The following KYAT3 variants were observed in gnomAD, a reference collection of about 807,000 sequenced individuals.
KYAT3 encodes the protein kynurenine aminotransferase 3.
KYAT3 carries 50 observed loss-of-function variants against 59.0 expected under a neutral mutation model. The ratio of observed to expected loss-of-function variants is 0.85; its 90% confidence interval spans 0.68 to 1.07. KYAT3 has a LOEUF of 1.07. KYAT3 is among the 50% of genes least tolerant of loss of function. The pLI is 0.00. For missense variants in KYAT3, 497 were observed against 533.3 expected (o/e 0.93, Z 0.67); for synonymous variants, 148 against 177.0 (o/e 0.84, Z 1.30).
chr1:88,970,350 A>T (rs1676507775), intron 2 of KYAT3, among the ~76,000 whole-genome samples: 1 of 152,214 alleles, frequency 6.6e-6, no homozygotes, highest in African/African-American at 2.4e-5. Context: ...GTTCTATTAC[A>T]TAGTTAGAAC....
chr1:88,930,459 G>A, the KYAT3 span, among the ~76,000 whole-genome samples: 1 of 152,118 alleles, frequency 6.6e-6, no homozygotes, highest in African/African-American at 2.4e-5. Flanking sequence ...GCCGCTCGAG[G>A]GGACCTTCTA....
At chr1:88,942,465 T>C (rs534254409) in intron 13 of KYAT3, among the ~76,000 whole-genome samples, 2 of 152,350 alleles carry the variant, frequency 1.3e-5, no homozygotes, top group Admixed American at 1.3e-4. Context: ...TTATGTCTAG[T>C]AATTTTTCAT....
chr1:88,983,793 T>G (rs745621525), intron 2 of KYAT3: 1 of 1,614,016 alleles, frequency 6.2e-7, no homozygotes, highest in Non-Finnish European at 8.5e-7. Flanking sequence ...AGCCCACCAA[T>G]GAAGAGCTTT....
the KYAT3 span, among the ~76,000 whole-genome samples, chr1:88,922,313 T>G: frequency 6.6e-6 from 1 of 152,152 alleles, no homozygotes; most frequent in African/African-American, 2.4e-5. Context: ...CAGGGTAGTA[T>G]AGGCCCTGAT....
chr1:88,990,075 G>C (rs956436618), intron 1 of KYAT3, among the ~76,000 whole-genome samples: 1 of 152,100 alleles, frequency 6.6e-6, no homozygotes, highest in East Asian at 1.9e-4. Flanking sequence ...AGTCCAAGCA[G>C]ATTGCGCTCT....
intron 2 of KYAT3, among the ~76,000 whole-genome samples, chr1:88,985,438 T>C (rs1439026588): frequency 6.6e-6 from 1 of 152,254 alleles, no homozygotes; most frequent in Admixed American, 6.5e-5. Context: ...ATTGGTAAGT[T>C]TGAATCTGGG....
At chr1:88,950,735 A>T (rs1366931605) in intron 10 of KYAT3, among the ~76,000 whole-genome samples, 2 of 152,162 alleles carry the variant, frequency 1.3e-5, no homozygotes, top group African/African-American at 4.8e-5. Context: ...TGTTCAATGC[A>T]CTGGCATTTC....
downstream of KYAT3, among the ~76,000 whole-genome samples, chr1:88,934,245 A>G (rs186592887): frequency 3.2e-4 from 49 of 152,284 alleles, 1 homozygote; most frequent in Admixed American, 2.9e-3. Context: ...ACTTGAGGCC[A>G]GGAGTTTGAG....
intron 4 of KYAT3, among the ~76,000 whole-genome samples, chr1:88,968,277 G>A (rs1011428940): frequency 2.4e-4 from 37 of 152,158 alleles, no homozygotes; most frequent in African/African-American, 8.9e-4. Context: ...TTTCATTACA[G>A]AAGGATGGGA....
At chr1:88,940,030 A>G (rs1675178231) in intron 13 of KYAT3, among the ~76,000 whole-genome samples, 1 of 151,926 alleles carries the variant, frequency 6.6e-6, no homozygotes, top group African/African-American at 2.4e-5. Context: ...ATACTGTCCT[A>G]TATAGATTCA....
intron 8 of KYAT3, among the ~76,000 whole-genome samples, chr1:88,960,810 G>T (rs1676109311): frequency 6.6e-6 from 1 of 152,150 alleles, no homozygotes; most frequent in Non-Finnish European, 1.5e-5. Flanking sequence ...TTGGCATTTT[G>T]GTAAGTTGTT....
chr1:88,969,792 C>T (rs1206642507), intron 2 of KYAT3, among the ~76,000 whole-genome samples: 1 of 152,070 alleles, frequency 6.6e-6, no homozygotes, highest in Admixed American at 6.6e-5. Context: ...TAGGCATATC[C>T]TACTGTGCCA....
rs189451821 is a variant in KYAT3, at chr1:88,957,949, T to G, written c.788-2724A>C. 1.5e-3 allele frequency among the ~76,000 whole-genome samples: 226 copies of G among 152,340 alleles called. 6 individuals are homozygous for G. The highest frequency in any genetic ancestry group is 8.8e-5 in the Non-Finnish European group (6 of 68,026). ...AAAACATGATAACATTTTGGTGTAT[T>G]AAGGTGTCACACCCTGCAAATCTCT... is the stretch of plus-strand genomic sequence containing the variant. On this transcript the variant is annotated intron_variant, in intron 8 of 13. Coordinates refer to ENST00000260508, the MANE Select transcript of KYAT3 (RefSeq NM_001008661.3).
At chr1:88,932,414 A>G (rs1283411223), downstream of KYAT3, among the ~76,000 whole-genome samples, 1 of 152,174 alleles carries the variant, frequency 6.6e-6, no homozygotes, top group Non-Finnish European at 1.5e-5. Flanking sequence ...CTATTGATAG[A>G]TTAGACTATT....
intron 5 of KYAT3, among the ~76,000 whole-genome samples, chr1:88,962,906 A>T (rs1676200113): frequency 1.3e-5 from 2 of 152,174 alleles, no homozygotes; most frequent in African/African-American, 4.8e-5. Flanking sequence ...TTGGAGAGGC[A>T]GGGCAGTAGA....
chr1:88,945,625 C>T (rs904613239), intron 11 of KYAT3, among the ~76,000 whole-genome samples: 1 of 152,098 alleles, frequency 6.6e-6, no homozygotes, highest in African/African-American at 2.4e-5. Flanking sequence ...ATCATAAATT[C>T]TCAATAAATA....
intron 8 of KYAT3, among the ~76,000 whole-genome samples, chr1:88,956,847 A>G (rs1257539719): frequency 6.6e-6 from 1 of 152,246 alleles, no homozygotes; most frequent in African/African-American, 2.4e-5. Flanking sequence ...AATGCCACCC[A>G]CAATACTGCT....
intron 8 of KYAT3, among the ~76,000 whole-genome samples, chr1:88,960,011 T>C (rs1246273135): frequency 7.4e-6 from 1 of 134,592 alleles, no homozygotes; most frequent in African/African-American, 2.7e-5. Flanking sequence ...GAGGCTGCAG[T>C]GAGCCAGTGG....
chr1:88,986,247 A>T (rs1677448003), intron 2 of KYAT3, among the ~76,000 whole-genome samples: 1 of 151,796 alleles, frequency 6.6e-6, no homozygotes, highest in Non-Finnish European at 1.5e-5. Flanking sequence ...GACAGACCTA[A>T]GGAAAAGGTT....
Sources: allele counts gnomAD v4.1 joint callset (sites outside exome capture counted in the v4.1 genomes callset), GRCh38; gene constraint gnomAD v4.1.1; transcripts MANE v1.5; gene names NCBI Gene and HGNC (gene_info 2026-07-23, HGNC 2026-07-21).